The following SESTD1 variants were observed in gnomAD, a reference collection of about 807,000 sequenced individuals.
SESTD1 encodes SEC14 and spectrin domain containing 1.
In SESTD1, 43 loss-of-function variants were observed where a neutral mutation model predicts 101.7. The observed-to-expected ratio is 0.42, with a 90% CI of 0.33 to 0.55. SESTD1 has a LOEUF of 0.55. SESTD1 is among the 20% of genes least tolerant of loss of function. SESTD1 has a pLI of 0.07. For synonymous variants in SESTD1, 283 were observed against 286.8 expected, an observed-to-expected ratio of 0.99 and a Z score of 0.13; for missense variants, 647 against 815.1, an observed-to-expected ratio of 0.79 and a Z score of 2.51.
chr2:179,160,650 T>A (rs997468863), intron 5 of SESTD1, among the ~76,000 whole-genome samples: 1 of 152,092 alleles, frequency 6.6e-6, no homozygotes, highest in Non-Finnish European at 1.5e-5. Context: ...GTGAAGAAGA[T>A]GGAACCACAA....
chr2:179,218,094 C>T (rs895444823), intron 1 of SESTD1, among the ~76,000 whole-genome samples: 6 of 152,084 alleles, frequency 3.9e-5, no homozygotes, highest in African/African-American at 9.7e-5. Context: ...CAAACCTGCA[C>T]GTTGTGCACA....
At chr2:179,183,962 G>A (rs1458544900) in intron 2 of SESTD1, among the ~76,000 whole-genome samples, 1 of 151,992 alleles carries the variant, frequency 6.6e-6, no homozygotes, top group African/African-American at 2.4e-5. Context: ...AGTCAAAAGA[G>A]TATTCTGTGA....
chr2:179,106,595 AATAAG>A lies in SESTD1; in HGVS notation c.*3299_*3303del, dbSNP rs773654532. On this transcript the variant is annotated 3_prime_UTR_variant, in exon 18 of 18. Coordinates refer to ENST00000428443, the MANE Select transcript of SESTD1 (RefSeq NM_178123.5). ...AATAATACCACTCCGTATGTCAGCT[AATAAG>A]ATAACGAAATAACAAACATGTTAAG... 2.0e-5 allele frequency: 3 copies of A among 152,300 alleles called. No individual in the cohort carries two copies. The highest frequency in any genetic ancestry group is 2.9e-5 in the Non-Finnish European group (2 of 68,010). 9.4% of individuals were successfully genotyped at this position (152,300 alleles called of 1,614,324 possible). A position where few individuals can be genotyped will look rare whatever the true frequency, so the allele number is the denominator to read the frequency against.
rs1295343187 is a variant in SESTD1, at chr2:179,169,128, T to C, written c.369+2992A>G. Among the ~76,000 whole-genome samples the C allele has an allele frequency of 3.3e-5, 5 of 152,082 alleles. No homozygotes were observed. In the East Asian group the frequency reaches 9.6e-4, roughly 29 times the overall value. ...ACTATATCAATAATTGCATTAAATA[T>C]AAATAGTCTTACCCATGAAAAGACA... On this transcript the variant is annotated intron_variant, in intron 5 of 17. Transcript: ENST00000428443.
chr2:179,197,844 A>G (rs995812583), intron 1 of SESTD1, among the ~76,000 whole-genome samples: 1 of 152,214 alleles, frequency 6.6e-6, no homozygotes, highest in Non-Finnish European at 1.5e-5. Flanking sequence ...GGTACCAGCC[A>G]CTGCAAAATC....
intron 1 of SESTD1, among the ~76,000 whole-genome samples, chr2:179,249,724 T>G (rs1382890763): frequency 6.6e-6 from 1 of 151,924 alleles, no homozygotes; most frequent in African/African-American, 2.4e-5. Context: ...AATAATGCAG[T>G]AGAAGGAATC....
At chr2:179,222,344 C>A (rs1376485379) in intron 1 of SESTD1, among the ~76,000 whole-genome samples, 1 of 152,122 alleles carries the variant, frequency 6.6e-6, no homozygotes, top group Non-Finnish European at 1.5e-5. Context: ...AATCACTGAA[C>A]CTAACTCACA....
At chr2:179,115,354 C>G in intron 15 of SESTD1, 98 bp from the exon 16 acceptor site, 1 of 840,436 alleles carries the variant, frequency 1.2e-6, no homozygotes, top group African/African-American at 1.7e-5. Context: ...TTAAGTGACA[C>G]TACTAGAAAT....
chr2:179,131,635 T>C (rs2045016228), intron 10 of SESTD1, among the ~76,000 whole-genome samples: 1 of 152,186 alleles, frequency 6.6e-6, no homozygotes, highest in African/African-American at 2.4e-5. Flanking sequence ...GGATGATCTC[T>C]TTCTCAGTAA....
At position 179,201,473 on chromosome 2, in the gene SESTD1, C is replaced by T. The variant is rs1361457015; in HGVS notation, c.-25-9607G>A. 1.2e-4 allele frequency among the ~76,000 whole-genome samples: 16 copies of T among 132,132 alleles called. 3 individuals carry two copies. The highest frequency in any genetic ancestry group is 2.1e-4 in the Non-Finnish European group (13 of 62,238). 86.7% of individuals were successfully genotyped at this position (132,132 alleles called of 152,430 possible). A position where few individuals can be genotyped will look rare whatever the true frequency, so the allele number is the denominator to read the frequency against. On this transcript the variant is annotated intron_variant, in intron 1 of 17. Transcript: ENST00000428443. ...ATGCTGCTATAAAGACACATGCACA[C>T]GTATGTTTATTGTGGCATTATCCAC...
chr2:179,254,939 C>T (rs1341942399), intron 1 of SESTD1, among the ~76,000 whole-genome samples: 1 of 152,156 alleles, frequency 6.6e-6, no homozygotes, highest in East Asian at 1.9e-4. Context: ...CACAACATTT[C>T]AAGCTTTTTC....
chr2:179,127,598 G>A (rs910860660), intron 10 of SESTD1, among the ~76,000 whole-genome samples: 3 of 152,206 alleles, frequency 2.0e-5, no homozygotes, highest in African/African-American at 7.2e-5. Flanking sequence ...GGATGCCACT[G>A]CATGCAGTAA....
chr2:179,180,930 T>C (rs2046096283), intron 3 of SESTD1, among the ~76,000 whole-genome samples: 1 of 151,822 alleles, frequency 6.6e-6, no homozygotes, highest in Admixed American at 6.6e-5. Flanking sequence ...AAGGATAGAG[T>C]TTTCATGAAT....
At chr2:179,118,001 C>T (rs1405758775) in intron 13 of SESTD1, among the ~76,000 whole-genome samples, 2 of 152,080 alleles carry the variant, frequency 1.3e-5, no homozygotes, top group African/African-American at 4.8e-5. Flanking sequence ...GACAAGGTCT[C>T]ACTCAAGCAC....
chr2:179,234,099 T>A (rs1465174297), intron 1 of SESTD1, among the ~76,000 whole-genome samples: 1 of 152,172 alleles, frequency 6.6e-6, no homozygotes, highest in Non-Finnish European at 1.5e-5. Flanking sequence ...GTTGAAAGCA[T>A]GAGTAGAACA....
chr2:179,188,860 T>TC (rs1430172378), intron 2 of SESTD1, among the ~76,000 whole-genome samples: 1 of 151,998 alleles, frequency 6.6e-6, no homozygotes, highest in Admixed American at 6.6e-5. Context: ...ACACAGACCC[T>TC]CCCAAGGTTG....
chr2:179,234,971 A>C (rs2047045569), intron 1 of SESTD1, among the ~76,000 whole-genome samples: 1 of 151,736 alleles, frequency 6.6e-6, no homozygotes, highest in South Asian at 2.1e-4. Flanking sequence ...AAGTCATATT[A>C]TGAAACACAA....
At chr2:179,124,285 T>C (rs758317910) in intron 11 of SESTD1, 79 bp downstream of exon 11, 76 of 1,375,904 alleles carry the variant, frequency 5.5e-5, no homozygotes, top group Non-Finnish European at 7.2e-5. Flanking sequence ...TTAGGAGGCA[T>C]GCAAACCTGA....
At chr2:179,226,111 TAA>T (rs1242655592) in intron 1 of SESTD1, among the ~76,000 whole-genome samples, 7 of 152,178 alleles carry the variant, frequency 4.6e-5, no homozygotes, top group Non-Finnish European at 2.9e-5. Flanking sequence ...CAAAAATGTA[TAA>T]GAGGGAGCTA....
Sources: gnomAD v4.1 joint callset for allele counts (sites outside exome capture counted in the v4.1 genomes callset) on GRCh38, gnomAD v4.1.1 for gene constraint, MANE v1.5 for transcripts, NCBI Gene and HGNC (gene_info 2026-07-23, HGNC 2026-07-21) for gene names.